CCDC178: variants seen among roughly 807,000 people sequenced by gnomAD.
CCDC178 encodes coiled-coil domain containing 178.
Under a neutral mutation model 117.4 loss-of-function variants are expected in CCDC178, and 126 were observed. The observed-to-expected ratio is 1.07, with a 90% CI of 0.93 to 1.24. CCDC178 has a LOEUF of 1.24. Ranked by LOEUF, CCDC178 falls within the 50% of genes most tolerant of loss-of-function variation. The probability of loss-of-function intolerance (pLI) is 0.00; values close to 1 mark genes in which losing one functional copy is unlikely to be tolerated. For synonymous variants in CCDC178, 283 were observed against 313.4 expected (o/e 0.90, Z 1.02); for missense variants, 1,030 against 986.9 (o/e 1.04, Z -0.59).
intron 20 of CCDC178, among the ~76,000 whole-genome samples, chr18:33,179,996 A>G (rs2058716673): frequency 6.6e-6 from 1 of 151,958 alleles, no homozygotes; most frequent in African/African-American, 2.4e-5. Context: ...ATAACACCAA[A>G]TTATGGGACT....
intron 22 of CCDC178, among the ~76,000 whole-genome samples, chr18:32,951,968 C>T (rs560157293): frequency 8.4e-4 from 128 of 152,338 alleles, no homozygotes; most frequent in Non-Finnish European, 1.6e-3. Flanking sequence ...AAATTATCTC[C>T]TTTTACTCCA....
chr18:33,056,563 A>G (rs7237865), intron 21 of CCDC178, among the ~76,000 whole-genome samples: 21,683 of 152,230 alleles, frequency 0.14, 2,394 homozygotes, highest in African/African-American at 0.31. Context: ...GAATCAGAAC[A>G]GATATAGGGA....
rs2063174804 is a variant in CCDC178, at chr18:33,364,652, G to A, written c.348+5398C>T. ...GAGGGGAACAGCTCTAGGTGGGTGG[G>A]GGACAAAAAGAACAATATTTGTGTT... On this transcript the variant is annotated intron_variant, in intron 6 of 22. Coordinates refer to ENST00000383096, the MANE Select transcript of CCDC178 (RefSeq NM_001105528.4). Among the ~76,000 whole-genome samples the A allele has an allele frequency of 2.6e-5, 4 of 151,698 alleles. No homozygotes were observed. In the Middle Eastern group the frequency reaches 0.014, roughly 530 times the overall value.
chr18:33,125,343 T>C (rs916626632), intron 20 of CCDC178, among the ~76,000 whole-genome samples: 1 of 152,144 alleles, frequency 6.6e-6, no homozygotes, highest in Non-Finnish European at 1.5e-5. Context: ...GTGTAATCTC[T>C]AGTTATTTAT....
intron 22 of CCDC178, among the ~76,000 whole-genome samples, chr18:32,950,507 AT>A (rs2054457181): frequency 6.6e-6 from 1 of 152,146 alleles, no homozygotes; most frequent in Admixed American, 6.5e-5. Flanking sequence ...TAGTTACTTC[AT>A]TTTGGCTGGA....
chr18:33,169,396 G>T (rs1299287346), intron 20 of CCDC178, among the ~76,000 whole-genome samples: 1 of 152,176 alleles, frequency 6.6e-6, no homozygotes, highest in Non-Finnish European at 1.5e-5. Context: ...TAAAGACTGT[G>T]TAAGTACAGA....
chr18:32,952,775 T>G (rs1207104136), intron 22 of CCDC178, among the ~76,000 whole-genome samples: 1 of 148,462 alleles, frequency 6.7e-6, no homozygotes, highest in Non-Finnish European at 1.5e-5. Flanking sequence ...TTATAAACTT[T>G]TTTTTTTTTT....
intron 2 of CCDC178, 146 bp from the exon 3 acceptor site, chr18:33,412,256 T>C (rs1277139158): frequency 2.5e-6 from 1 of 402,970 alleles, no homozygotes; most frequent in Admixed American, 4.5e-5. Context: ...CTTTTTCTTA[T>C]TAGGACTATT....
At chr18:33,070,807 A>G (rs2057095591) in intron 21 of CCDC178, among the ~76,000 whole-genome samples, 1 of 152,094 alleles carries the variant, frequency 6.6e-6, no homozygotes, top group Admixed American at 6.6e-5. Flanking sequence ...ATGTATCAAT[A>G]CAAATTGGTT....
chr18:33,140,156 C>G (rs2058182776), intron 20 of CCDC178, among the ~76,000 whole-genome samples: 1 of 152,154 alleles, frequency 6.6e-6, no homozygotes, highest in Admixed American at 6.5e-5. Flanking sequence ...TATGGAAACA[C>G]CTGGATGTTG....
chr18:33,171,524 A>G (rs979808947), intron 20 of CCDC178, among the ~76,000 whole-genome samples: 1 of 152,228 alleles, frequency 6.6e-6, no homozygotes, highest in African/African-American at 2.4e-5. Flanking sequence ...ATTCAAGAAG[A>G]GATTTTATAT....
chr18:32,961,753 G>A (rs184293988), intron 22 of CCDC178, among the ~76,000 whole-genome samples: 12 of 152,190 alleles, frequency 7.9e-5, no homozygotes, highest in Admixed American at 7.2e-4. Context: ...ACAGGAGGCG[G>A]AGCTGTGTGT....
chr18:33,324,122 T>C (rs963864145), intron 10 of CCDC178, among the ~76,000 whole-genome samples: 15 of 151,966 alleles, frequency 9.9e-5, no homozygotes, highest in African/African-American at 3.4e-4. Context: ...ACAAACATCA[T>C]ACTAATCTCC....
intron 20 of CCDC178, among the ~76,000 whole-genome samples, chr18:33,101,904 G>T (rs981137002): frequency 6.6e-6 from 1 of 151,778 alleles, no homozygotes; most frequent in African/African-American, 2.4e-5. Context: ...TGTAGAAAAT[G>T]GTTAATTTTG....
At chr18:33,066,381 C>T (rs1752571007) in intron 21 of CCDC178, among the ~76,000 whole-genome samples, 1 of 151,760 alleles carries the variant, frequency 6.6e-6, no homozygotes, top group African/African-American at 2.4e-5. Context: ...GTAATCACTA[C>T]AAAACCCACA....
At chr18:33,326,959 G>A (rs2062593084) in intron 10 of CCDC178, among the ~76,000 whole-genome samples, 1 of 152,062 alleles carries the variant, frequency 6.6e-6, no homozygotes. Flanking sequence ...CAAGCACACT[G>A]GCTAGGGGTT....
intron 9 of CCDC178, among the ~76,000 whole-genome samples, chr18:33,339,170 A>T (rs771702683): frequency 2.7e-4 from 41 of 152,120 alleles, no homozygotes; most frequent in Non-Finnish European, 5.0e-4. Context: ...GTAAATAATC[A>T]AAGCATCTAA....
rs548517073 is a variant in CCDC178 at position 33,412,043 on chromosome 18, G to T, written c.46C>A (p.Gln16Lys). Residue 16 changes from glutamine (Q) to lysine (K), a missense_variant, in exon 3 of 23, where the codon CAA becomes AAA. By Grantham distance (53) the Gln-to-Lys change is moderately conservative. Transcript: ENST00000383096. ...TVSSSSTRDD[Q>K]TNIGLTCQEV... is the part of the protein sequence containing the mutation. ...ATGATAAACTTACCTATATTGGTTTGATCATCTCTAGTGGAAGAAGAGGAA... is the reference window on the plus strand; with the variant it reads ...ATGATAAACTTACCTATATTGGTTTTATCATCTCTAGTGGAAGAAGAGGAA... 14 of 1,488,184 alleles carry T rather than the reference G, an allele frequency of 9.4e-6. No homozygotes were observed. In the East Asian group the frequency reaches 1.2e-4, roughly 12 times the overall value. The allele number at this position is 1,488,184 out of a possible 1,614,324, so 92.2% of individuals were successfully genotyped here. A position where few individuals can be genotyped will look rare whatever the true frequency, so the allele number is the denominator to read the frequency against.
intron 21 of CCDC178, among the ~76,000 whole-genome samples, chr18:33,062,898 TCCAGC>T (rs962852952): frequency 6.6e-6 from 1 of 152,066 alleles, no homozygotes; most frequent in African/African-American, 2.4e-5. Flanking sequence ...CTAGCAGAAC[TCCAGC>T]CCACAGTGTC....
Sources: allele counts gnomAD v4.1 joint callset (sites outside exome capture counted in the v4.1 genomes callset), GRCh38; gene constraint gnomAD v4.1.1; transcripts MANE v1.5; gene names NCBI Gene and HGNC (gene_info 2026-07-23, HGNC 2026-07-21).